The following PCCB variants were observed in gnomAD, a reference collection of about 807,000 sequenced individuals.
The protein encoded by PCCB is propionyl-CoA carboxylase beta chain, mitochondrial.
In PCCB, 43 loss-of-function variants were observed where a neutral mutation model predicts 60.7. The ratio of observed to expected loss-of-function variants is 0.71; its 90% CI spans 0.55 to 0.91. The LOEUF (loss-of-function observed/expected upper bound fraction) is 0.91, where lower values mean the gene tolerates loss of function less well. Among genes scored for constraint, PCCB ranks in the 40% least tolerant of loss-of-function variants. PCCB has a pLI of 0.00. For missense variants in PCCB, 766 were observed against 702.8 expected (o/e 1.09, Z -1.02); for synonymous variants, 276 against 255.9 (o/e 1.08, Z -0.75).
chr3:136,327,989 G>A (rs1227774363), intron 13 of PCCB, among the ~76,000 whole-genome samples: 2 of 152,194 alleles, frequency 1.3e-5, no homozygotes, highest in Non-Finnish European at 2.9e-5. Flanking sequence ...AAAGGAAAGT[G>A]AGAGGGGTCC....
chr3:136,304,102 G>A (rs1200107008), intron 9 of PCCB, among the ~76,000 whole-genome samples: 2 of 119,596 alleles, frequency 1.7e-5, no homozygotes, highest in African/African-American at 2.5e-5. Flanking sequence ...TCCTCACGAG[G>A]TCTTTGCTCT....
At chr3:136,253,443 G>A (rs1316699812) in intron 1 of PCCB, among the ~76,000 whole-genome samples, 1 of 151,748 alleles carries the variant, frequency 6.6e-6, no homozygotes, top group African/African-American at 2.4e-5. Flanking sequence ...GGAGTGCGGT[G>A]GAGTGATCGT....
chr3:136,300,185 TGTATG>T (rs1934210284), intron 8 of PCCB, among the ~76,000 whole-genome samples: 1 of 152,112 alleles, frequency 6.6e-6, no homozygotes, highest in South Asian at 2.1e-4. Context: ...TGTGTATATA[TGTATG>T]ACAAGTAAAA....
intron 4 of PCCB, 129 bp from the exon 5 acceptor site, chr3:136,261,814 GAGTGAAACC>G (rs1941834033): frequency 2.9e-6 from 2 of 689,556 alleles, no homozygotes; most frequent in African/African-American, 3.5e-5. Flanking sequence ...TCGTGATGGG[GAGTGAAACC>G]AGTGTTACTG....
chr3:136,300,703 C>G (rs1469390048), intron 8 of PCCB, among the ~76,000 whole-genome samples: 1 of 152,172 alleles, frequency 6.6e-6, no homozygotes, highest in Non-Finnish European at 1.5e-5. Context: ...GTCTTGTTCA[C>G]TATAATGTCC....
intron 10 of PCCB, among the ~76,000 whole-genome samples, chr3:136,324,923 C>T (rs964198716): frequency 6.6e-6 from 1 of 152,188 alleles, no homozygotes; most frequent in African/African-American, 2.4e-5. Context: ...GACAGAGTCT[C>T]ACTCTGTCAC....
chr3:136,285,908 T>A (rs556582960), intron 6 of PCCB, among the ~76,000 whole-genome samples: 2 of 152,244 alleles, frequency 1.3e-5, no homozygotes, highest in Non-Finnish European at 2.9e-5. Flanking sequence ...ATATTCTGTG[T>A]ATTTAATAAG....
intron 9 of PCCB, among the ~76,000 whole-genome samples, chr3:136,311,662 T>C (rs535418654): frequency 6.6e-5 from 10 of 152,158 alleles, no homozygotes; most frequent in South Asian, 2.1e-4. Context: ...AAAAACACTT[T>C]TGAAAATCAA....
chr3:136,325,566 C>T (rs1447618998), intron 10 of PCCB, among the ~76,000 whole-genome samples: 1 of 151,720 alleles, frequency 6.6e-6, no homozygotes, highest in African/African-American at 2.4e-5. Flanking sequence ...CCATGTTGGC[C>T]AGGCTGGTCT....
At chr3:136,328,708 C>A (rs374630190) in intron 13 of PCCB, 50 bp from the exon 14 acceptor site, 52 of 1,409,040 alleles carry the variant, frequency 3.7e-5, no homozygotes, top group Non-Finnish European at 4.8e-5. Context: ...TGAAGGAGAT[C>A]TGTCCAGGTT....
At chr3:136,322,546 TA>T (rs1935145628) in intron 10 of PCCB, among the ~76,000 whole-genome samples, 1 of 152,232 alleles carries the variant, frequency 6.6e-6, no homozygotes, top group African/African-American at 2.4e-5. Flanking sequence ...ATATCTTCCT[TA>T]AATGTATGGT....
chr3:136,289,602 A>G (rs1933579629), intron 6 of PCCB, among the ~76,000 whole-genome samples: 1 of 152,070 alleles, frequency 6.6e-6, no homozygotes, highest in African/African-American at 2.4e-5. Flanking sequence ...CCGTCTTTTA[A>G]TTGATACATT....
At chr3:136,274,629 C>A (rs908060473) in intron 5 of PCCB, among the ~76,000 whole-genome samples, 1 of 152,106 alleles carries the variant, frequency 6.6e-6, no homozygotes, top group African/African-American at 2.4e-5. Context: ...ATGAATTTCC[C>A]AGGAGTTCTT....
At position 136,326,798 on chromosome 3, in the gene PCCB, T is replaced by G; in HGVS notation, c.1091-5T>G. Reference sequence around the variant, plus strand: ...ACTCAGTATGGATAATCTCTCTCTTTCTAGGATGCTTGGATATTAATTCAT... The same window carrying G: ...ACTCAGTATGGATAATCTCTCTCTTGCTAGGATGCTTGGATATTAATTCAT... On this transcript the variant is annotated splice_region_variant and splice_polypyrimidine_tract_variant and intron_variant, in intron 10 of 14. Transcript: ENST00000251654. The G allele has an allele frequency of 6.4e-7, 1 of 1,573,242 alleles. No homozygotes were observed. The highest frequency in any genetic ancestry group is 8.8e-7 in the Non-Finnish European group (1 of 1,142,758).
chr3:136,267,467 A>G (rs1166850940), intron 5 of PCCB, among the ~76,000 whole-genome samples: 1 of 151,980 alleles, frequency 6.6e-6, no homozygotes, highest in Non-Finnish European at 1.5e-5. Flanking sequence ...CAGGGATTAC[A>G]AGCCACTGCC....
chr3:136,310,587 G>A (rs1934625243), intron 9 of PCCB, among the ~76,000 whole-genome samples: 1 of 152,152 alleles, frequency 6.6e-6, no homozygotes, highest in Non-Finnish European at 1.5e-5. Flanking sequence ...GGGCCAAATA[G>A]TCCTAGTGCC....
At chr3:136,258,555 G>A (rs1167755460) in intron 3 of PCCB, among the ~76,000 whole-genome samples, 1 of 152,130 alleles carries the variant, frequency 6.6e-6, no homozygotes, top group African/African-American at 2.4e-5. Context: ...GGGAGCTTCT[G>A]TTCTTCTGGG....
At chr3:136,317,402 T>A (rs1283517652) in intron 10 of PCCB, among the ~76,000 whole-genome samples, 2 of 151,658 alleles carry the variant, frequency 1.3e-5, no homozygotes, top group Admixed American at 1.3e-4. Flanking sequence ...TCTTTTTTTG[T>A]ATTTTTGGTA....
intron 3 of PCCB, among the ~76,000 whole-genome samples, chr3:136,257,960 C>G (rs1382633573): frequency 6.6e-6 from 1 of 152,072 alleles, no homozygotes; most frequent in African/African-American, 2.4e-5. Context: ...AATAGTTATA[C>G]TTGGTTAATT....
Sources: gnomAD v4.1 joint callset for allele counts (sites outside exome capture counted in the v4.1 genomes callset) on GRCh38, gnomAD v4.1.1 for gene constraint, MANE v1.5 for transcripts, NCBI Gene and HGNC (gene_info 2026-07-23, HGNC 2026-07-21) for gene names.